Variants in OSBPL9 observed in about 807,000 individuals in gnomAD.
OSBPL9 encodes the protein oxysterol-binding protein-related protein 9.
OSBPL9 carries 40 observed loss-of-function variants against 106.6 expected under a neutral mutation model. The observed-to-expected ratio is 0.38, with a 90% CI of 0.29 to 0.49. The LOEUF (loss-of-function observed/expected upper bound fraction) is 0.49. Among genes scored for constraint, OSBPL9 ranks in the 20% least tolerant of loss-of-function variants. OSBPL9 has a pLI of 0.97. For synonymous variants in OSBPL9, 269 were observed against 295.4 expected (o/e 0.91, Z 0.92); for missense variants, 609 against 887.2 (o/e 0.69, Z 3.98).
chr1:51,784,616 T>G, intron 20 of OSBPL9, 34 bp downstream of exon 20: 1 of 1,601,178 alleles, frequency 6.2e-7, no homozygotes, highest in Non-Finnish European at 8.5e-7. Context: ...GCTCTTATGC[T>G]TTTCTGAAAT....
chr1:51,644,078 T>TAA lies in OSBPL9; in HGVS notation c.112-7886_112-7885dup, dbSNP rs968921768. On this transcript the variant is annotated intron_variant, in intron 1 of 23. Transcript: ENST00000428468. ...CTGGGCAACAGAGTGAGACCTTGTC[T>TAA]AAAAAAAAAAAAAAAAAAAAAAAAA... 9.7e-4 allele frequency among the ~76,000 whole-genome samples: 42 copies of TAA among 43,242 alleles called. 2 individuals carry two copies. Among genetic ancestry groups the TAA allele is most frequent in the East Asian group, 5.2e-3 (6 of 1,146 alleles). The allele number at this position is 43,242 out of a possible 152,430, so 28.4% of individuals were successfully genotyped here. A position where few individuals can be genotyped will look rare whatever the true frequency, so the allele number is the denominator to read the frequency against.
At chr1:51,615,347 C>T (rs558551138), upstream of OSBPL9, among the ~76,000 whole-genome samples, 184 of 152,268 alleles carry the variant, frequency 1.2e-3, no homozygotes, top group African/African-American at 4.3e-3. Flanking sequence ...GCATCTGAAC[C>T]CATACTCTCT....
intron 1 of OSBPL9, among the ~76,000 whole-genome samples, chr1:51,596,152 G>A (rs1645298228): frequency 6.6e-6 from 1 of 151,268 alleles, no homozygotes; most frequent in African/African-American, 2.4e-5. Flanking sequence ...CAGCTACTTG[G>A]GGAGGCTGAA....
At chr1:51,548,750 T>C in the OSBPL9 span, among the ~76,000 whole-genome samples, 1 of 152,166 alleles carries the variant, frequency 6.6e-6, no homozygotes, top group African/African-American at 2.4e-5. Context: ...AAAGAAAATT[T>C]ATCAAAGGTG....
the OSBPL9 span, among the ~76,000 whole-genome samples, chr1:51,568,772 C>T: frequency 6.6e-6 from 1 of 152,102 alleles, no homozygotes; most frequent in Non-Finnish European, 1.5e-5. Context: ...CTCTATCAGC[C>T]AGGCTAGAGT....
chr1:51,784,627 A>C (rs891205835), intron 20 of OSBPL9, 45 bp downstream of exon 20: 2 of 1,590,010 alleles, frequency 1.3e-6, no homozygotes, highest in African/African-American at 2.7e-5. Flanking sequence ...TTTCTGAAAT[A>C]ACTGCCTTTT....
At chr1:51,763,194 C>T (rs1029807100) in intron 11 of OSBPL9, among the ~76,000 whole-genome samples, 25 of 151,902 alleles carry the variant, frequency 1.6e-4, no homozygotes, top group Non-Finnish European at 3.4e-4. Context: ...TTAGTAGAGA[C>T]GGCATTTCAC....
chr1:51,778,355 G>A (rs1675539010), intron 15 of OSBPL9, among the ~76,000 whole-genome samples: 1 of 151,918 alleles, frequency 6.6e-6, no homozygotes, highest in Non-Finnish European at 1.5e-5. Flanking sequence ...ATGTCAGACT[G>A]GATTAAAAAA....
intron 3 of OSBPL9, among the ~76,000 whole-genome samples, chr1:51,694,042 A>G (rs1022232250): frequency 2.6e-5 from 4 of 152,222 alleles, no homozygotes; most frequent in Non-Finnish European, 5.9e-5. Context: ...TATCACATGT[A>G]TTATATACCA....
intron 4 of OSBPL9, among the ~76,000 whole-genome samples, chr1:51,738,884 T>G (rs1330827022): frequency 6.6e-6 from 1 of 152,016 alleles, no homozygotes; most frequent in East Asian, 1.9e-4. Flanking sequence ...GAATCCTGGT[T>G]ATCTAAGGCT....
At chr1:51,732,325 TTATACTG>T (rs1402228314) in intron 4 of OSBPL9, among the ~76,000 whole-genome samples, 3 of 152,224 alleles carry the variant, frequency 2.0e-5, no homozygotes, top group Non-Finnish European at 4.4e-5. Context: ...TAGCTAAACT[TTATACTG>T]TAGAGCGAAA....
intron 17 of OSBPL9, among the ~76,000 whole-genome samples, chr1:51,783,450 T>C (rs1676872715): frequency 6.6e-6 from 1 of 151,814 alleles, no homozygotes; most frequent in Non-Finnish European, 1.5e-5. Flanking sequence ...CCTCCCAAAG[T>C]ACTGGGATTG....
intron 8 of OSBPL9, among the ~76,000 whole-genome samples, chr1:51,751,083 A>G (rs1030636282): frequency 2.0e-5 from 3 of 152,090 alleles, no homozygotes; most frequent in Non-Finnish European, 2.9e-5. Flanking sequence ...TTGAGGCCTG[A>G]TTTAAAATAT....
intron 3 of OSBPL9, among the ~76,000 whole-genome samples, chr1:51,711,633 G>A (rs1318366763): frequency 7.2e-6 from 1 of 139,594 alleles, no homozygotes; most frequent in African/African-American, 2.8e-5. Flanking sequence ...GCTGCTGGGC[G>A]GAGGGGCTCC....
chr1:51,589,900 G>A (rs546421594), intron 1 of OSBPL9, among the ~76,000 whole-genome samples: 2 of 151,984 alleles, frequency 1.3e-5, no homozygotes, highest in East Asian at 3.9e-4. Flanking sequence ...GGGCGTGGTG[G>A]CAGGTGCCTG....
Position 51,762,086 on chromosome 1 carries a change from G to A in OSBPL9, c.778+115G>A, listed in dbSNP as rs1341651295. 2.0e-5 allele frequency: 14 copies of A among 703,296 alleles called. No individual in the cohort carries two copies. In the East Asian group the frequency reaches 3.5e-4, roughly 17 times the overall value. 43.6% of individuals were successfully genotyped at this position (703,296 alleles called of 1,614,324 possible). On this transcript the variant is annotated intron_variant, in intron 11 of 23. Coordinates refer to ENST00000428468, the MANE Select transcript of OSBPL9 (RefSeq NM_024586.6). ...AGAAATGTGTTGTATATTTTCTGTT[G>A]GAGATATGTTAGTTTTAACATTATA... is the stretch of plus-strand genomic sequence containing the variant.
chr1:51,705,243 G>A (rs1010024649), intron 3 of OSBPL9, among the ~76,000 whole-genome samples: 2 of 150,896 alleles, frequency 1.3e-5, no homozygotes, highest in African/African-American at 4.9e-5. Flanking sequence ...GAACTCTTGG[G>A]CTCAAGTGAG....
At chr1:51,722,307 A>G (rs1662310420) in intron 4 of OSBPL9, among the ~76,000 whole-genome samples, 1 of 152,210 alleles carries the variant, frequency 6.6e-6, no homozygotes, top group Non-Finnish European at 1.5e-5. Flanking sequence ...CAAAATCTAC[A>G]TGTTTTTTCA....
In OSBPL9 at chr1:51,746,668, TA is replaced by T. The variant is rs771342893; in HGVS notation, c.415-39del. ...TGTTTAGTGAATGTACATCGTATAG[TA>T]AAGTGGCTTGATACTATAACCATTT... On this transcript the variant is annotated intron_variant, in intron 5 of 23. Coordinates refer to ENST00000428468, the MANE Select transcript of OSBPL9 (RefSeq NM_024586.6). 3 of 1,441,284 alleles carry T rather than the reference TA, an allele frequency of 2.1e-6. No individual in the cohort carries two copies. In the South Asian group the frequency reaches 3.6e-5, roughly 17 times the overall value. The allele number at this position is 1,441,284 out of a possible 1,614,324, so 89.3% of individuals were successfully genotyped here. A position where few individuals can be genotyped will look rare whatever the true frequency, so the allele number is the denominator to read the frequency against.
Sources: gnomAD v4.1 joint callset for allele counts (sites outside exome capture counted in the v4.1 genomes callset) on GRCh38, gnomAD v4.1.1 for gene constraint, MANE v1.5 for transcripts, NCBI Gene and HGNC (gene_info 2026-07-23, HGNC 2026-07-21) for gene names.